The following MORN1 variants were observed in gnomAD, a reference collection of about 807,000 sequenced individuals.
MORN1 encodes MORN repeat containing 1.
MORN1 carries 67 observed loss-of-function variants against 61.9 expected under a neutral mutation model. The ratio of observed to expected loss-of-function variants is 1.08; its 90% confidence interval spans 0.89 to 1.33. The LOEUF (loss-of-function observed/expected upper bound fraction) is 1.33. MORN1 is among the 40% of genes most tolerant of loss of function. The probability of loss-of-function intolerance (pLI) is 0.00; values close to 1 mark genes in which losing one functional copy is unlikely to be tolerated. For missense variants in MORN1, 752 were observed against 691.2 expected (o/e 1.09, Z -0.99); for synonymous variants, 301 against 292.0 (o/e 1.03, Z -0.31).
chr1:2,388,241 G>A lies in MORN1; in HGVS notation c.245C>T (p.Ser82Leu). 1 of 1,613,220 alleles carries A rather than the reference G, an allele frequency of 6.2e-7. No homozygotes were observed. Among genetic ancestry groups the A allele is most frequent in the Non-Finnish European group, 8.5e-7 (1 of 1,179,528 alleles). The change falls in exon 3 of 14, where the codon TCA becomes TTA. Residue 82 changes from serine to leucine, a missense_variant and splice_region_variant. Ser to Leu is a moderately radical substitution (Grantham distance 145). Transcript: ENST00000378531. ...GTGCCATCCCAGCTAGAGCTCACCTGACCAGGCCCAGTGCCGGCGGCCTTC... is the reference window on the plus strand; with the variant it reads ...GTGCCATCCCAGCTAGAGCTCACCTAACCAGGCCCAGTGCCGGCGGCCTTC... The part of the protein sequence containing the change: ...TGEGRRHWAW[S>L]GDTFSGQFVL...
At chr1:2,369,335 C>T (rs1189344173) in intron 8 of MORN1, among the ~76,000 whole-genome samples, 18 of 122,026 alleles carry the variant, frequency 1.5e-4, no homozygotes, top group East Asian at 4.8e-4. Flanking sequence ...GCCTGGATGA[C>T]AGAGCAAAAC....
At position 2,334,796 on chromosome 1, in the gene MORN1, C is replaced by A. The variant is rs1433029439; in HGVS notation, c.1250+1673G>T. On this transcript the variant is annotated intron_variant, in intron 12 of 13. Transcript: ENST00000378531. The surrounding 1 kb of genome is among the most constrained non-coding windows in gnomAD (Gnocchi z 5.4). ...GCCCAGGCTGGGAGCAGACGCCGAC[C>A]CCTCCGTTCTCTCAGGTGGAAAAGA... 6.6e-6 allele frequency among the ~76,000 whole-genome samples: 1 copy of A among 152,254 alleles called. No homozygotes were observed. The highest frequency in any genetic ancestry group is 1.9e-4 in the East Asian group (1 of 5,202).
At position 2,334,438 on chromosome 1, in the gene MORN1, C is replaced by G. The variant is rs1641222198; in HGVS notation, c.1250+2031G>C. ...GTTCTCAACCCAGGAGCGGGCAGAG[C>G]TTACGGAGAGTTCCCGATGGGAAAG... On this transcript the variant is annotated intron_variant, in intron 12 of 13. Coordinates refer to ENST00000378531, the MANE Select transcript of MORN1 (RefSeq NM_024848.3). This position sits in a 1 kb window ranked among gnomAD's most constrained non-coding sequence, Gnocchi z 5.4. Among the ~76,000 whole-genome samples the G allele has an allele frequency of 6.6e-6, 1 of 152,170 alleles. No homozygotes were observed. Among genetic ancestry groups the G allele is most frequent in the African/African-American group, 2.4e-5 (1 of 41,434 alleles).
Position 2,389,250 on chromosome 1 carries a change from G to A in MORN1, c.148+675C>T, listed in dbSNP as rs562334796. ...GCCTGGGGTTGGTGGGGGTACAGGT[G>A]TTATCGACTTTATACTTGCTTTTTT... is the stretch of plus-strand genomic sequence containing the variant. On this transcript the variant is annotated intron_variant, in intron 2 of 13. Coordinates refer to ENST00000378531, the MANE Select transcript of MORN1 (RefSeq NM_024848.3). 3.9e-5 allele frequency among the ~76,000 whole-genome samples: 6 copies of A among 152,344 alleles called. No homozygotes were observed. In the South Asian group the frequency reaches 1.2e-3, roughly 32 times the overall value.
At chr1:2,367,589 A>G (rs945950374) in intron 8 of MORN1, among the ~76,000 whole-genome samples, 7 of 152,172 alleles carry the variant, frequency 4.6e-5, no homozygotes, top group African/African-American at 1.7e-4. Flanking sequence ...CTTACACCAA[A>G]CAAAAAGATT....
chr1:2,336,612 C>G (rs1641285086), intron 11 of MORN1, 64 bp from the exon 12 acceptor site: 2 of 1,598,338 alleles, frequency 1.3e-6, no homozygotes, highest in African/African-American at 2.7e-5. Context: ...AGGAGCTCTG[C>G]TCCAACCCCC....
chr1:2,332,309 G>C (rs1286649250), intron 12 of MORN1: 2 of 292,422 alleles, frequency 6.8e-6, no homozygotes, highest in African/African-American at 4.5e-5. Flanking sequence ...AGGGACAGGG[G>C]GCTCCCCTAG....
At chr1:2,391,353 TC>T in intron 1 of MORN1, 104 bp downstream of exon 1, 1 of 1,208,786 alleles carries the variant, frequency 8.3e-7, no homozygotes, top group South Asian at 4.1e-5. Context: ...CACCTGGACC[TC>T]TACTTTCCGA....
rs574753310 is a variant in MORN1 at position 2,373,261 on chromosome 1, G to A, written c.635-670C>T. On this transcript the variant is annotated intron_variant, in intron 7 of 13. Coordinates refer to ENST00000378531, the MANE Select transcript of MORN1 (RefSeq NM_024848.3). ...TGAGGCTGCCTCAAAAGGCAGCACA[G>A]GCGATGCCGGGTGCACAGGGTGGCG... 3.4e-3 allele frequency among the ~76,000 whole-genome samples: 513 copies of A among 152,376 alleles called. 3 individuals are homozygous for A. The highest frequency in any genetic ancestry group is 0.012 in the African/African-American group (498 of 41,590).
At position 2,357,339 on chromosome 1, in the gene MORN1, C is replaced by A; in HGVS notation, c.1036+93G>T. Reference sequence around the variant, plus strand: ...ACCCTGGGTGCGGCTTGCTCCTGCTCTGGCCTGGTTCTGGGTCCCCATGAC... The same window carrying A: ...ACCCTGGGTGCGGCTTGCTCCTGCTATGGCCTGGTTCTGGGTCCCCATGAC... On this transcript the variant is annotated intron_variant, in intron 10 of 13. Transcript: ENST00000378531. The surrounding 1 kb of genome is among the most constrained non-coding windows in gnomAD (Gnocchi z 6.3). 7.1e-7 allele frequency: 1 copy of A among 1,416,522 alleles called. No individual in the cohort carries two copies. The highest frequency in any genetic ancestry group is 9.6e-7 in the Non-Finnish European group (1 of 1,045,914). 87.7% of individuals were successfully genotyped at this position (1,416,522 alleles called of 1,614,324 possible).
chr1:2,374,374 T>C (rs1489247624), intron 7 of MORN1, 87 bp downstream of exon 7: 1 of 1,172,268 alleles, frequency 8.5e-7, no homozygotes, highest in Non-Finnish European at 1.2e-6. Context: ...GTGCTCTTGG[T>C]CAGTGTTTCC....
rs1356161653 is a variant in MORN1, at chr1:2,385,662, G to C, written c.449+145C>G. On this transcript the variant is annotated intron_variant, in intron 5 of 13. Transcript: ENST00000378531. ...GAATGTGGTTCAACAACTTGGCACT[G>C]GGGGGGTGGCGGGTAGACAGCAGGG... is the stretch of plus-strand genomic sequence containing the variant. 2.0e-5 allele frequency: 13 copies of C among 662,350 alleles called. No individual in the cohort carries two copies. The Admixed American group carries it at 3.1e-4, about 16-fold the overall frequency. The allele number at this position is 662,350 out of a possible 1,614,324, so 41.0% of individuals were successfully genotyped here.
chr1:2,361,784 C>T (rs1452502150), intron 8 of MORN1, among the ~76,000 whole-genome samples: 3 of 152,164 alleles, frequency 2.0e-5, no homozygotes, highest in African/African-American at 4.8e-5. Flanking sequence ...TCAATTCCGA[C>T]TCCCCACAGC....
chr1:2,336,194 C>T (rs373203834), intron 12 of MORN1, among the ~76,000 whole-genome samples: 25 of 152,328 alleles, frequency 1.6e-4, no homozygotes, highest in African/African-American at 6.0e-4. Context: ...CAGCCTGGTC[C>T]GCCCGGCGGG....
intron 6 of MORN1, chr1:2,379,023 G>A: frequency 2.1e-6 from 1 of 470,838 alleles, no homozygotes; most frequent in Non-Finnish European, 4.4e-6. Context: ...TTTCTAGAAT[G>A]CATTTTTAAA....
chr1:2,325,132 T>TCCCTTCCTTCCTTCCC (rs1640983523), intron 12 of MORN1, among the ~76,000 whole-genome samples: 1 of 19,542 alleles, frequency 5.1e-5, no homozygotes, highest in African/African-American at 4.9e-4. Context: ...CCTTCCTTCC[T>TCCCTTCCTTCCTTCCC]TCCCTCCCTC....
At chr1:2,363,805 C>CAAAAAAAAA (rs1553217338) in intron 8 of MORN1, among the ~76,000 whole-genome samples, 4 of 124,886 alleles carry the variant, frequency 3.2e-5, no homozygotes, top group South Asian at 2.7e-4. Flanking sequence ...AACAAACAAA[C>CAAAAAAAAA]AAAAAAATAT....
chr1:2,323,218 G>A (rs1039842831), intron 13 of MORN1: 42 of 985,270 alleles, frequency 4.3e-5, no homozygotes, highest in Admixed American at 1.8e-4. Flanking sequence ...AGCCGCTCCC[G>A]TCACCAAGGC....
intron 4 of MORN1, 148 bp from the exon 5 acceptor site, chr1:2,386,045 A>G: frequency 4.6e-6 from 3 of 654,178 alleles, no homozygotes; most frequent in East Asian, 2.7e-5. Flanking sequence ...AACATGACAG[A>G]CCCTCCAGAC....
Sources: gnomAD v4.1 joint callset for allele counts (sites outside exome capture counted in the v4.1 genomes callset) on GRCh38, gnomAD v4.1.1 for gene constraint, Gnocchi (gnomAD v3.1) non-coding constraint, MANE v1.5 for transcripts, NCBI Gene and HGNC (gene_info 2026-07-23, HGNC 2026-07-21) for gene names.